ZNF81: variants seen among roughly 807,000 people sequenced by gnomAD.
The protein encoded by ZNF81 is zinc finger protein 81 (HFZ20).
ZNF81 carries 5 observed loss-of-function variants against 32.3 expected under a neutral mutation model. That is an observed-to-expected ratio of 0.15 (90% CI 0.08 to 0.33). The LOEUF is 0.33. Among genes scored for constraint, ZNF81 ranks in the 10% least tolerant of loss-of-function variants. ZNF81 has a pLI of 1.00. For synonymous variants in ZNF81, 163 were observed against 166.8 expected (o/e 0.98, Z 0.17); for missense variants, 379 against 479.8 (o/e 0.79, Z 1.96).
chrX:47,853,276 G>T (rs1203805827), intron 2 of ZNF81, among the ~76,000 whole-genome samples: 2 of 108,556 alleles, frequency 1.8e-5, no homozygotes, highest in East Asian at 5.8e-4. Context: ...CTGCCTCCTG[G>T]GTTCAAGCGA....
chrX:47,883,297 AATATGGGTGTTTTGT>A (rs1252631037), intron 2 of ZNF81, among the ~76,000 whole-genome samples: 1 of 111,490 alleles, frequency 9.0e-6, no homozygotes, highest in African/African-American at 3.3e-5. Flanking sequence ...CTACATTCTT[AATATGGGTGTTTTGT>A]ATATGTATTG....
intron 2 of ZNF81, among the ~76,000 whole-genome samples, chrX:47,880,037 C>G (rs1457185160): frequency 8.9e-6 from 1 of 112,087 alleles, no homozygotes; most frequent in Non-Finnish European, 1.9e-5. Flanking sequence ...TTGATCAATT[C>G]AGATTTAATT....
At chrX:47,843,497 GT>G (rs782780242) in intron 1 of ZNF81, among the ~76,000 whole-genome samples, 1 of 105,063 alleles carries the variant, frequency 9.5e-6, no homozygotes, top group Non-Finnish European at 2.0e-5. Context: ...TTGCTAGAGA[GT>G]TTTTTTTATG....
At position 47,915,127 on chromosome X, in the gene ZNF81, T is replaced by C. The variant is rs2148045317; in HGVS notation, c.481T>C (p.Leu161=). ...SRTTFLNKKI[L]NTEWDYEYKD... is the part of the protein sequence containing the mutation. The stretch of plus-strand genomic sequence containing the variant: ...CACTACTTTCCTCAATAAGAAAATA[T>C]TGAATACAGAGTGGGATTATGAATA... The change falls in exon 5 of 5, where the codon TTG becomes CTG. Residue 161 remains leucine (L), a synonymous_variant. Coordinates refer to ENST00000338637, the MANE Select transcript of ZNF81 (RefSeq NM_007137.5). 1 of 1,204,390 alleles carries C rather than the reference T, an allele frequency of 8.3e-7. No homozygotes were observed. Among genetic ancestry groups the C allele is most frequent in the African/African-American group, 1.7e-5 (1 of 57,452 alleles).
intron 1 of ZNF81, chrX:47,841,100 TCTC>T (rs2058447585): frequency 3.5e-6 from 3 of 862,297 alleles, no homozygotes; most frequent in African/African-American, 4.0e-5. Flanking sequence ...AACCATGAGA[TCTC>T]CTCGAAATGT....
At chrX:47,840,905 A>G (rs1422616248) in intron 1 of ZNF81, 11 of 443,015 alleles carry the variant, frequency 2.5e-5, no homozygotes, top group Non-Finnish European at 4.3e-5. Context: ...CCCCCCAAAA[A>G]TAAAAACACA....
At chrX:47,909,916 T>A (rs1486875228) in intron 4 of ZNF81, among the ~76,000 whole-genome samples, 1 of 110,705 alleles carries the variant, frequency 9.0e-6, no homozygotes, top group Non-Finnish European at 1.9e-5. Flanking sequence ...ATTTCATCCA[T>A]GTCCCTACAA....
In ZNF81 at chrX:47,846,220, G is replaced by A. The variant is rs1556880454; in HGVS notation, c.-48G>A. The A allele has an allele frequency of 1.7e-6, 2 of 1,190,460 alleles. No individual in the cohort carries two copies. The highest frequency in any genetic ancestry group is 4.6e-5 in the Admixed American group (2 of 43,574). On this transcript the variant is annotated 5_prime_UTR_variant, in exon 2 of 5. Coordinates refer to ENST00000338637, the MANE Select transcript of ZNF81 (RefSeq NM_007137.5). The stretch of plus-strand genomic sequence containing the variant: ...CCACCGATCCCACTGGAATTATAAA[G>A]TTGTCAGCAAGAAAGCCCCAGGGCT...
Position 47,920,735 on chromosome X carries a change from C to T in ZNF81, c.*4103C>T, listed in dbSNP as rs1440586216. The stretch of plus-strand genomic sequence containing the variant: ...GCTTTCTCCAGTCTTCTTCCTTGTC[C>T]CCGTGTTTCTTGAGAGCACTCAGTG... On this transcript the variant is annotated 3_prime_UTR_variant, in exon 5 of 5. Transcript: ENST00000338637. The T allele has an allele frequency of 1.1e-4, 12 of 110,358 alleles. No individual in the cohort carries two copies. Among genetic ancestry groups the T allele is most frequent in the Non-Finnish European group, 2.3e-4 (12 of 52,811 alleles). The allele number at this position is 110,358 out of a possible 1,213,427, so 9.1% of individuals were successfully genotyped here.
chrX:47,921,950 A>G lies in ZNF81; in HGVS notation c.*5318A>G, dbSNP rs1556891975. 1 of 111,712 alleles carries G rather than the reference A, an allele frequency of 9.0e-6. No individual in the cohort carries two copies. The highest frequency in any genetic ancestry group is 3.3e-5 in the African/African-American group (1 of 30,751). The allele number at this position is 111,712 out of a possible 1,213,427, so 9.2% of individuals were successfully genotyped here. ...CAATAAATGTTGTTTTAAGTTGCTA[A>G]ATTTTAGGGTAATTTGTTACACAGT... On this transcript the variant is annotated 3_prime_UTR_variant, in exon 5 of 5. Coordinates refer to ENST00000338637, the MANE Select transcript of ZNF81 (RefSeq NM_007137.5).
intron 2 of ZNF81, 70 bp downstream of exon 2, chrX:47,846,391 T>C: frequency 8.9e-7 from 1 of 1,121,775 alleles, no homozygotes; most frequent in Non-Finnish European, 1.2e-6. Context: ...TACTACCTCA[T>C]AGTTTTCATT....
intron 1 of ZNF81, among the ~76,000 whole-genome samples, chrX:47,840,503 C>CTTTTTTT (rs1225455438): frequency 9.8e-6 from 1 of 102,121 alleles, no homozygotes; most frequent in Non-Finnish European, 2.0e-5. Flanking sequence ...TTTTCTTTTT[C>CTTTTTTT]TTTTTTTTTT....
intron 2 of ZNF81, among the ~76,000 whole-genome samples, chrX:47,863,685 G>C (rs1185092985): frequency 8.9e-6 from 1 of 112,107 alleles, no homozygotes; most frequent in Non-Finnish European, 1.9e-5. Context: ...AGAGCAAGAG[G>C]TGTTAGCTAT....
rs1193287442 is a variant in ZNF81 at position 47,867,138 on chromosome X, G to T, written c.54+20817G>T. Among the ~76,000 whole-genome samples, 7 of 111,632 alleles carry T rather than the reference G, an allele frequency of 6.3e-5. No individual in the cohort carries two copies. In the South Asian group the frequency reaches 1.5e-3, roughly 24 times the overall value. ...GAGGCTAAGAGAATCAGAATAAATA[G>T]CTAATGCATGCTGGGCTTAATACCT... On this transcript the variant is annotated intron_variant, in intron 2 of 4. Transcript: ENST00000338637.
At chrX:47,894,711 A>G (rs1354030697) in intron 3 of ZNF81, among the ~76,000 whole-genome samples, 1 of 111,530 alleles carries the variant, frequency 9.0e-6, no homozygotes, top group Non-Finnish European at 1.9e-5. Flanking sequence ...CATGGAGACA[A>G]TGAGATTATT....
At chrX:47,900,853 G>A (rs1556887874) in intron 4 of ZNF81, among the ~76,000 whole-genome samples, 1 of 111,351 alleles carries the variant, frequency 9.0e-6, no homozygotes, top group Non-Finnish European at 1.9e-5. Context: ...CACAGAATTA[G>A]GAATTTGCTT....
chrX:47,881,742 G>A (rs370162555), intron 2 of ZNF81, among the ~76,000 whole-genome samples: 6 of 110,380 alleles, frequency 5.4e-5, no homozygotes, highest in East Asian at 2.8e-4. Context: ...TGGGGCCCAC[G>A]GTGTACCCTG....
At position 47,905,648 on chromosome X, in the gene ZNF81, A is replaced by G. The variant is rs193246941; in HGVS notation, c.278-9276A>G. On this transcript the variant is annotated intron_variant, in intron 4 of 4. Coordinates refer to ENST00000338637, the MANE Select transcript of ZNF81 (RefSeq NM_007137.5). ...TTTTTTTTCAGACATAGAAGTTTAA[A>G]AATTTTTTAATCTTAAAAAGTCCTG... 1.9e-3 allele frequency among the ~76,000 whole-genome samples: 207 copies of G among 111,024 alleles called. 3 individuals carry two copies. The highest frequency in any genetic ancestry group is 6.5e-3 in the African/African-American group (199 of 30,593).
In ZNF81 at chrX:47,884,833, A is replaced by G. The variant is rs1556885563; in HGVS notation, c.55-3166A>G. Among the ~76,000 whole-genome samples, 3 of 111,944 alleles carry G rather than the reference A, an allele frequency of 2.7e-5. No homozygotes were observed. In the Admixed American group the frequency reaches 2.8e-4, roughly 11 times the overall value. On this transcript the variant is annotated intron_variant, in intron 2 of 4. Coordinates refer to ENST00000338637, the MANE Select transcript of ZNF81 (RefSeq NM_007137.5). ...AGCAAACTATATTAGCAGAAATACTACCACTTTGGACTGAAAGGGATATAA... is the reference window on the plus strand; with the variant it reads ...AGCAAACTATATTAGCAGAAATACTGCCACTTTGGACTGAAAGGGATATAA...
Sources: gnomAD v4.1 joint callset for allele counts (sites outside exome capture counted in the v4.1 genomes callset) on GRCh38, gnomAD v4.1.1 for gene constraint, MANE v1.5 for transcripts, NCBI Gene and HGNC (gene_info 2026-07-23, HGNC 2026-07-21) for gene names.